The following SHISA9 variants were observed in gnomAD, a reference collection of about 807,000 sequenced individuals.
SHISA9 encodes protein shisa-9.
Under a neutral mutation model 38.0 loss-of-function variants are expected in SHISA9, and 13 were observed. That is an observed-to-expected ratio of 0.34 (90% CI 0.22 to 0.54). SHISA9 has a LOEUF of 0.54. SHISA9 is among the 20% of genes least tolerant of loss of function. SHISA9 has a pLI of 0.91. For synonymous variants in SHISA9, 275 were observed against 242.0 expected, an observed-to-expected ratio of 1.14 and a Z score of -1.27; for missense variants, 538 against 575.8, an observed-to-expected ratio of 0.93 and a Z score of 0.67.
the SHISA9 span, among the ~76,000 whole-genome samples, chr16:13,424,591 C>A: frequency 2.0e-3 from 303 of 152,318 alleles, 1 homozygote; most frequent in African/African-American, 6.8e-3. Context: ...AAATCATATC[C>A]CGTCAGAAGT....
At chr16:13,075,013 G>A (rs1019696548) in intron 2 of SHISA9, among the ~76,000 whole-genome samples, 1 of 152,094 alleles carries the variant, frequency 6.6e-6, no homozygotes, top group Admixed American at 6.6e-5. Context: ...GCAGTTGGCA[G>A]GAGAACAAAG....
At chr16:12,947,753 C>T (rs981844534) in intron 2 of SHISA9, among the ~76,000 whole-genome samples, 2 of 152,134 alleles carry the variant, frequency 1.3e-5, no homozygotes, top group African/African-American at 4.8e-5. Flanking sequence ...AACTCCCTGC[C>T]CCTTGAAGGT....
At chr16:13,153,235 A>T (rs1242106058) in intron 2 of SHISA9, among the ~76,000 whole-genome samples, 1 of 152,200 alleles carries the variant, frequency 6.6e-6, no homozygotes, top group Non-Finnish European at 1.5e-5. Context: ...GTAGTTTGTC[A>T]CAGCCAACTT....
intron 1 of SHISA9, chr16:12,908,379 G>A: frequency 1.3e-6 from 2 of 1,508,472 alleles, no homozygotes; most frequent in Admixed American, 2.0e-5. Context: ...GCAAAGTGTT[G>A]GCCTAAGTGG....
chr16:13,264,899 C>G, the SHISA9 span, among the ~76,000 whole-genome samples: 6 of 151,994 alleles, frequency 3.9e-5, no homozygotes, highest in African/African-American at 1.4e-4. Flanking sequence ...CCAGTCTCCT[C>G]CCTTTCCCCT....
intron 2 of SHISA9, among the ~76,000 whole-genome samples, chr16:12,958,807 T>G (rs1166447075): frequency 6.6e-6 from 1 of 152,230 alleles, no homozygotes. Flanking sequence ...GGCAGTACTC[T>G]GTACTAGTCA....
At chr16:13,133,583 T>C (rs539866182) in intron 2 of SHISA9, among the ~76,000 whole-genome samples, 7 of 152,188 alleles carry the variant, frequency 4.6e-5, no homozygotes, top group Non-Finnish European at 1.0e-4. Flanking sequence ...CCATTGTATA[T>C]GAAAAGCGGA....
chr16:13,450,476 G>T, the SHISA9 span, among the ~76,000 whole-genome samples: 1 of 152,138 alleles, frequency 6.6e-6, no homozygotes, highest in Admixed American at 6.5e-5. Flanking sequence ...ACTTTCATGG[G>T]TCTCCTCATT....
chr16:13,160,815 C>T (rs1042225167), intron 2 of SHISA9, among the ~76,000 whole-genome samples: 7 of 152,128 alleles, frequency 4.6e-5, no homozygotes, highest in African/African-American at 1.2e-4. Flanking sequence ...AGGAGAGAAG[C>T]GGTGATGTTG....
At chr16:13,469,377 G>GAAAAGAA in the SHISA9 span, among the ~76,000 whole-genome samples, 487 of 93,110 alleles carry the variant, frequency 5.2e-3, 3 homozygotes, top group Middle Eastern at 0.01. Flanking sequence ...AAGAAAGAAA[G>GAAAAGAA]AAAGAAAGAA....
the SHISA9 span, among the ~76,000 whole-genome samples, chr16:13,266,345 G>A: frequency 6.6e-6 from 1 of 152,136 alleles, no homozygotes; most frequent in African/African-American, 2.4e-5. Flanking sequence ...GGAAAGATAG[G>A]AATTTAGTTT....
At chr16:12,916,610 C>A (rs1222205804) in intron 1 of SHISA9, 78 bp from the exon 2 acceptor site, 4 of 1,471,760 alleles carry the variant, frequency 2.7e-6, no homozygotes, top group South Asian at 1.4e-5. Context: ...CATTTGTTCG[C>A]GACTGCAGTA....
At chr16:13,363,863 T>C in the SHISA9 span, among the ~76,000 whole-genome samples, 1 of 152,046 alleles carries the variant, frequency 6.6e-6, no homozygotes, top group Non-Finnish European at 1.5e-5. Flanking sequence ...AGTCGAAGAG[T>C]AGTCCAAAGA....
chr16:13,046,696 G>A (rs760243122), intron 2 of SHISA9, among the ~76,000 whole-genome samples: 6 of 152,126 alleles, frequency 3.9e-5, no homozygotes, highest in Non-Finnish European at 8.8e-5. Flanking sequence ...GTATGATTGG[G>A]CTCTGGTCTG....
At chr16:13,512,861 A>T in the SHISA9 span, among the ~76,000 whole-genome samples, 8 of 152,250 alleles carry the variant, frequency 5.3e-5, no homozygotes, top group African/African-American at 1.9e-4. Flanking sequence ...AATTAACTCA[A>T]GATGTATTAA....
Position 12,907,662 on chromosome 16 carries a change from T to G in SHISA9, c.563+5035T>G, listed in dbSNP as rs140692958. Among the ~76,000 whole-genome samples the G allele has an allele frequency of 4.6e-5, 7 of 152,310 alleles. No homozygotes were observed. The East Asian group carries it at 1.4e-3, about 29-fold the overall frequency. ...GCACATCGGGACCCAGCTCATTGTA[T>G]TTGGCTGTGAAATCTCTTTAGTCTC... On this transcript the variant is annotated intron_variant, in intron 1 of 4. Coordinates refer to ENST00000558583, the MANE Select transcript of SHISA9 (RefSeq NM_001145204.3).
rs770339542 is a variant in SHISA9, at chr16:13,235,075, C to T, written c.941C>T (p.Ala314Val). 1 of 1,551,488 alleles carries T rather than the reference C, an allele frequency of 6.4e-7. No homozygotes were observed. The highest frequency in any genetic ancestry group is 1.2e-5 in the South Asian group (1 of 84,036). Reference sequence around the variant, plus strand: ...TTCTACACCAAGCGACGGCACCTGGCTGAGCTGGCTGCCAAGGGGAACTTA... The same window carrying T: ...TTCTACACCAAGCGACGGCACCTGGTTGAGCTGGCTGCCAAGGGGAACTTA... ...DDFYTKRRHL[A>V]ELAAKGNLPL... is the part of the protein sequence containing the mutation. Residue 314 changes from alanine to valine, a missense_variant, in exon 5 of 5, where the codon GCT becomes GTT. Transcript: ENST00000558583.
At chr16:12,970,409 A>ATGTG (rs1389126626) in intron 2 of SHISA9, among the ~76,000 whole-genome samples, 2,783 of 17,970 alleles carry the variant, frequency 0.15, 46 homozygotes, top group South Asian at 0.27. Context: ...ATATACATAT[A>ATGTG]TATATATACA....
At chr16:13,435,323 A>G in the SHISA9 span, among the ~76,000 whole-genome samples, 1 of 152,142 alleles carries the variant, frequency 6.6e-6, no homozygotes, top group Non-Finnish European at 1.5e-5. Flanking sequence ...AACTCTCCCC[A>G]CAAGGAATCT....
Sources: gnomAD v4.1 joint callset for allele counts (sites outside exome capture counted in the v4.1 genomes callset) on GRCh38, gnomAD v4.1.1 for gene constraint, MANE v1.5 for transcripts, NCBI Gene and HGNC (gene_info 2026-07-23, HGNC 2026-07-21) for gene names.